Variants in EDIL3 observed in about 807,000 individuals in gnomAD.
EDIL3 encodes EGF like and discoidin domains 3.
A neutral mutation model predicts 67.4 loss-of-function variants in EDIL3; 37 were observed. The ratio of observed to expected loss-of-function variants is 0.55; its 90% CI spans 0.42 to 0.72. The LOEUF (loss-of-function observed/expected upper bound fraction) is 0.72. Among genes scored for constraint, EDIL3 ranks in the 30% least tolerant of loss-of-function variants. The pLI is 0.00. For missense variants in EDIL3, 527 were observed against 586.3 expected (o/e 0.90, Z 1.04); for synonymous variants, 195 against 196.3 (o/e 0.99, Z 0.05).
At chr5:84,242,181 G>A (rs1309277364) in intron 2 of EDIL3, among the ~76,000 whole-genome samples, 3 of 151,320 alleles carry the variant, frequency 2.0e-5, no homozygotes, top group African/African-American at 2.4e-5. Context: ...GCAGTGAGCC[G>A]AGATCACGCC....
chr5:84,183,631 C>G (rs548657902), intron 3 of EDIL3, among the ~76,000 whole-genome samples: 3 of 152,016 alleles, frequency 2.0e-5, no homozygotes, highest in Non-Finnish European at 4.4e-5. Flanking sequence ...AGGACTTGTT[C>G]CTAGGAGGAA....
At position 84,110,155 on chromosome 5, in the gene EDIL3, T is replaced by C. The variant is rs138315666; in HGVS notation, c.470-3325A>G. Among the ~76,000 whole-genome samples, 184 of 152,262 alleles carry C rather than the reference T, an allele frequency of 1.2e-3. 1 individual carries two copies. In the South Asian group the frequency reaches 0.029, roughly 24 times the overall value. On this transcript the variant is annotated intron_variant, in intron 5 of 10. Coordinates refer to ENST00000296591, the MANE Select transcript of EDIL3 (RefSeq NM_005711.5). ...AATAAATATGCACTGAACGTTGTTATTGGGGGCTTTTTTTGCTTCTAAACA... is the reference window on the plus strand; with the variant it reads ...AATAAATATGCACTGAACGTTGTTACTGGGGGCTTTTTTTGCTTCTAAACA...
At chr5:84,232,306 T>C (rs1744596565) in intron 2 of EDIL3, among the ~76,000 whole-genome samples, 1 of 152,136 alleles carries the variant, frequency 6.6e-6, no homozygotes, top group African/African-American at 2.4e-5. Context: ...ATGGAGTTCT[T>C]TGGAAGCTTC....
chr5:84,239,126 G>C (rs1744742764), intron 2 of EDIL3, among the ~76,000 whole-genome samples: 1 of 152,114 alleles, frequency 6.6e-6, no homozygotes, highest in Non-Finnish European at 1.5e-5. Context: ...CCCATTCTTT[G>C]ACAGGCCAGT....
chr5:84,132,934 G>A (rs1234158909), intron 5 of EDIL3, among the ~76,000 whole-genome samples: 1 of 151,516 alleles, frequency 6.6e-6, no homozygotes, highest in Non-Finnish European at 1.5e-5. Context: ...TTTTTTGTTT[G>A]TTTGTTTGTC....
chr5:83,948,592 T>C (rs2112114423), intron 10 of EDIL3, among the ~76,000 whole-genome samples: 1 of 151,694 alleles, frequency 6.6e-6, no homozygotes, highest in Non-Finnish European at 1.5e-5. Context: ...ATTCCAAAAA[T>C]CAAATTTTTT....
chr5:83,981,853 G>A (rs181558279), intron 9 of EDIL3, among the ~76,000 whole-genome samples: 2 of 151,992 alleles, frequency 1.3e-5, no homozygotes, highest in East Asian at 3.9e-4. Flanking sequence ...AGAAGACTTT[G>A]CCATCTGCTA....
chr5:84,378,408 GT>G (rs1748012571), intron 1 of EDIL3, among the ~76,000 whole-genome samples: 1 of 152,068 alleles, frequency 6.6e-6, no homozygotes, highest in South Asian at 2.1e-4. Flanking sequence ...CATGTACCCA[GT>G]TTTTTGTACT....
intron 1 of EDIL3, among the ~76,000 whole-genome samples, chr5:84,348,306 G>C (rs1264185452): frequency 1.3e-5 from 2 of 152,056 alleles, no homozygotes; most frequent in Non-Finnish European, 2.9e-5. Context: ...CTTGTTCCAG[G>C]AAAAGCCTTT....
At chr5:83,958,340 T>C (rs1452558637) in intron 10 of EDIL3, among the ~76,000 whole-genome samples, 2 of 151,532 alleles carry the variant, frequency 1.3e-5, no homozygotes, top group Non-Finnish European at 3.0e-5. Flanking sequence ...AGTGCCATAA[T>C]CAGACAATTA....
intron 4 of EDIL3, among the ~76,000 whole-genome samples, chr5:84,172,991 A>C (rs551198104): frequency 6.6e-6 from 1 of 152,208 alleles, no homozygotes; most frequent in Admixed American, 6.5e-5. Context: ...AGCCTCTCAA[A>C]CCTAGTGCCA....
chr5:84,233,749 C>T (rs1390623211), intron 2 of EDIL3, among the ~76,000 whole-genome samples: 1 of 152,080 alleles, frequency 6.6e-6, no homozygotes, highest in Non-Finnish European at 1.5e-5. Context: ...AAAAAGGCCT[C>T]CTCACTCTTC....
At chr5:84,132,755 T>C (rs1194625124) in intron 5 of EDIL3, among the ~76,000 whole-genome samples, 2 of 150,470 alleles carry the variant, frequency 1.3e-5, no homozygotes, top group Non-Finnish European at 3.0e-5. Context: ...TCATAGGTAT[T>C]ATTTTAATAT....
At chr5:84,145,228 T>C (rs1044569812) in intron 4 of EDIL3, among the ~76,000 whole-genome samples, 2 of 152,126 alleles carry the variant, frequency 1.3e-5, no homozygotes, top group African/African-American at 4.8e-5. Context: ...ATATGGAAGA[T>C]TGCTTGCAGG....
chr5:84,176,212 T>A (rs913472710), intron 4 of EDIL3, among the ~76,000 whole-genome samples: 5 of 121,494 alleles, frequency 4.1e-5, no homozygotes, highest in Middle Eastern at 3.4e-3. Context: ...TATATATATA[T>A]ATATATATAT....
chr5:84,132,297 TATATATA>T (rs1399544442), intron 5 of EDIL3, among the ~76,000 whole-genome samples: 9 of 95,374 alleles, frequency 9.4e-5, no homozygotes, highest in Non-Finnish European at 1.8e-4. Context: ...GTATATATTT[TATATATA>T]ATATATATTA....
At chr5:84,021,004 A>G (rs1745704950) in intron 9 of EDIL3, among the ~76,000 whole-genome samples, 1 of 152,062 alleles carries the variant, frequency 6.6e-6, no homozygotes, top group African/African-American at 2.4e-5. Context: ...TTTTAAAAAG[A>G]ATTCAAAGTC....
At chr5:84,255,289 T>C (rs73142643) in intron 1 of EDIL3, among the ~76,000 whole-genome samples, 3,658 of 152,272 alleles carry the variant, frequency 0.024, 162 homozygotes, top group African/African-American at 0.083. Flanking sequence ...CAAACCTCCC[T>C]GTGAAAACAT....
intron 9 of EDIL3, among the ~76,000 whole-genome samples, chr5:84,020,489 C>T (rs1745695290): frequency 6.6e-6 from 1 of 151,968 alleles, no homozygotes; most frequent in Non-Finnish European, 1.5e-5. Context: ...AAGGGAACAC[C>T]TTTATTGACT....
Sources: allele counts gnomAD v4.1 joint callset (sites outside exome capture counted in the v4.1 genomes callset), GRCh38; gene constraint gnomAD v4.1.1; transcripts MANE v1.5; gene names NCBI Gene and HGNC (gene_info 2026-07-23, HGNC 2026-07-21).